Variants in USP7 observed in about 807,000 individuals in gnomAD.
The protein encoded by USP7 is ubiquitin specific peptidase 7, also known as ubiquitin C-terminal hydrolase 7.
In USP7, 9 loss-of-function variants were observed where a neutral mutation model predicts 162.9. That is an observed-to-expected ratio of 0.06 (90% CI 0.03 to 0.10). USP7 has a LOEUF of 0.10. Among genes scored for constraint, USP7 ranks in the 10% least tolerant of loss-of-function variants. The probability of loss-of-function intolerance (pLI) is 1.00; values close to 1 mark genes in which losing one functional copy is unlikely to be tolerated. For missense variants in USP7, 715 were observed against 1,373.7 expected, an observed-to-expected ratio of 0.52 and a Z score of 7.58; for synonymous variants, 562 against 475.9, an observed-to-expected ratio of 1.18 and a Z score of -2.35.
chr16:8,928,910 C>A (rs7202585), intron 2 of USP7, among the ~76,000 whole-genome samples: 1 of 151,898 alleles, frequency 6.6e-6, no homozygotes, highest in Non-Finnish European at 1.5e-5. Context: ...ATGTCATGAC[C>A]GCAAGTGGAG....
intron 4 of USP7, among the ~76,000 whole-genome samples, 155 bp from the exon 5 acceptor site, chr16:8,920,602 T>G (rs553707923): frequency 4.6e-5 from 7 of 152,312 alleles, no homozygotes; most frequent in South Asian, 2.1e-4. Flanking sequence ...CTGTTTCAAT[T>G]TTCTTTTAAC....
chr16:8,948,677 C>A (rs887446437), intron 1 of USP7, among the ~76,000 whole-genome samples: 3 of 152,098 alleles, frequency 2.0e-5, no homozygotes, highest in Non-Finnish European at 2.9e-5. Context: ...CTACTGGCTA[C>A]GATGTGGATG....
intron 2 of USP7, among the ~76,000 whole-genome samples, chr16:8,928,045 C>G (rs532095792): frequency 2.6e-5 from 4 of 152,178 alleles, no homozygotes; most frequent in African/African-American, 9.6e-5. Flanking sequence ...GAATAAGGAA[C>G]TAAAAGTAGA....
At chr16:8,906,277 G>T in intron 13 of USP7, 149 bp downstream of exon 13, 4 of 834,400 alleles carry the variant, frequency 4.8e-6, no homozygotes, top group Non-Finnish European at 5.3e-6. Context: ...CAATTAAATG[G>T]ATGGGAAAAC....
At chr16:8,943,550 C>A (rs118105617) in intron 1 of USP7, among the ~76,000 whole-genome samples, 1 of 151,844 alleles carries the variant, frequency 6.6e-6, no homozygotes, top group East Asian at 1.9e-4. Context: ...GAAACACAAA[C>A]GACTAACCAA....
rs906757150 is a variant in USP7 at position 8,892,456 on chromosome 16, G to C, written c.*1542C>G. On this transcript the variant is annotated 3_prime_UTR_variant, in exon 31 of 31. Transcript: ENST00000344836. Reference sequence around the variant, plus strand: ...ACGGAGCTGGAAGGCAAGGCCGATGGGACGGTGCAAGGACCACGCCCACGA... The same window carrying C: ...ACGGAGCTGGAAGGCAAGGCCGATGCGACGGTGCAAGGACCACGCCCACGA... 3.9e-5 allele frequency: 6 copies of C among 152,248 alleles called. No individual in the cohort carries two copies. Among genetic ancestry groups the C allele is most frequent in the African/African-American group, 1.4e-4 (6 of 41,458 alleles). 9.4% of individuals were successfully genotyped at this position (152,248 alleles called of 1,614,324 possible).
chr16:8,921,242 T>G lies in USP7; in HGVS notation c.437A>C (p.Asp146Ala). The stretch of plus-strand genomic sequence containing the variant: ...AATACGACGACTGAACGACTTTTCA[T>G]CATCTCTGTAATTTATTATCTTCAG... ...AVLKIINYRD[D>A]EKSFSRRISH... Residue 146 changes from aspartate (D) to alanine (A), a missense_variant, in exon 4 of 31, where the codon GAT becomes GCT. Asp to Ala is a moderately radical substitution (Grantham distance 126). This residue lies in a region of USP7 where 35 missense variants were observed against 101.0 expected (regional missense o/e 0.35). Transcript: ENST00000344836. 2 of 1,614,146 alleles carry G rather than the reference T, an allele frequency of 1.2e-6. No homozygotes were observed. Among genetic ancestry groups the G allele is most frequent in the Non-Finnish European group, 1.7e-6 (2 of 1,180,016 alleles).
chr16:8,907,444 C>T (rs759678122), intron 12 of USP7, among the ~76,000 whole-genome samples: 6 of 152,174 alleles, frequency 3.9e-5, no homozygotes, highest in Non-Finnish European at 7.3e-5. Flanking sequence ...GGCTGAATGA[C>T]CAACCTATAT....
intron 27 of USP7, among the ~76,000 whole-genome samples, chr16:8,895,379 C>G (rs1364398437): frequency 6.6e-6 from 1 of 152,204 alleles, no homozygotes; most frequent in Non-Finnish European, 1.5e-5. Flanking sequence ...AGGCCAAATA[C>G]TGTATTATCC....
At chr16:8,938,503 G>A (rs1021432511) in intron 1 of USP7, among the ~76,000 whole-genome samples, 2 of 152,104 alleles carry the variant, frequency 1.3e-5, no homozygotes, top group African/African-American at 4.8e-5. Flanking sequence ...ACAAGGTCAG[G>A]AGATCGAGAC....
At chr16:8,898,729 CT>C in intron 23 of USP7, 90 bp from the exon 24 acceptor site, 1 of 1,070,710 alleles carries the variant, frequency 9.3e-7, no homozygotes, top group Non-Finnish European at 1.3e-6. Flanking sequence ...AACCGCTGGC[CT>C]TACACCTGGT....
At chr16:8,958,347 C>T (rs758084904) in intron 1 of USP7, among the ~76,000 whole-genome samples, 14 of 152,174 alleles carry the variant, frequency 9.2e-5, no homozygotes, top group Admixed American at 3.3e-4. Context: ...TGCTGGGAAC[C>T]GGCAGCACCA....
chr16:8,898,837 G>C, intron 23 of USP7, 198 bp from the exon 24 acceptor site: 2 of 613,924 alleles, frequency 3.3e-6, no homozygotes, highest in East Asian at 5.5e-5. Context: ...CTCTGCAATA[G>C]TGACAAAACA....
chr16:8,931,680 T>G (rs1409817342), intron 1 of USP7, among the ~76,000 whole-genome samples: 5 of 152,222 alleles, frequency 3.3e-5, no homozygotes, highest in Non-Finnish European at 7.3e-5. Flanking sequence ...AGGTGTAAAT[T>G]ACAACAACAT....
chr16:8,906,946 C>T (rs1421930102), intron 12 of USP7, among the ~76,000 whole-genome samples: 1 of 152,208 alleles, frequency 6.6e-6, no homozygotes, highest in Non-Finnish European at 1.5e-5. Context: ...TTTTAATATT[C>T]TACAGACATC....
chr16:8,921,967 G>A (rs189578137), intron 3 of USP7, among the ~76,000 whole-genome samples: 116 of 152,312 alleles, frequency 7.6e-4, no homozygotes, highest in Admixed American at 2.5e-3. Context: ...TCAGGACAAG[G>A]GTAGGACAGT....
intron 10 of USP7, among the ~76,000 whole-genome samples, chr16:8,912,790 A>G (rs997363391): frequency 5.9e-5 from 9 of 151,938 alleles, no homozygotes; most frequent in East Asian, 1.9e-4. Flanking sequence ...AAATACATAG[A>G]AAAAAAAGAA....
chr16:8,902,570 C>CATATAT (rs962811253), intron 16 of USP7, 88 bp from the exon 17 acceptor site: 3 of 968,770 alleles, frequency 3.1e-6, no homozygotes, highest in Non-Finnish European at 4.6e-6. Flanking sequence ...TATACATATA[C>CATATAT]ATATATATAT....
intron 10 of USP7, among the ~76,000 whole-genome samples, chr16:8,911,856 G>T (rs577222685): frequency 1.2e-4 from 18 of 152,334 alleles, no homozygotes; most frequent in Non-Finnish European, 2.1e-4. Context: ...GCAAGAGGAT[G>T]AGGATTGGGG....
Sources: allele counts gnomAD v4.1 joint callset (sites outside exome capture counted in the v4.1 genomes callset), GRCh38; gene constraint gnomAD v4.1.1; regional missense constraint gnomAD v4.1.1; transcripts MANE v1.5; gene names NCBI Gene and HGNC (gene_info 2026-07-23, HGNC 2026-07-21).